The following CDH11 variants were observed in gnomAD, a reference collection of about 807,000 sequenced individuals.
The protein encoded by CDH11 is cadherin 11, also known as cadherin-11.
Under a neutral mutation model 67.8 loss-of-function variants are expected in CDH11, and 11 were observed. That is an observed-to-expected ratio of 0.16 (90% CI 0.10 to 0.27). The LOEUF is 0.27. Among genes scored for constraint, CDH11 ranks in the 10% least tolerant of loss-of-function variants. CDH11 has a pLI of 1.00. For synonymous variants in CDH11, 419 were observed against 400.0 expected, an observed-to-expected ratio of 1.05 and a Z score of -0.57; for missense variants, 847 against 1,031.2, an observed-to-expected ratio of 0.82 and a Z score of 2.45.
intron 2 of CDH11, among the ~76,000 whole-genome samples, chr16:65,027,503 G>A (rs916127006): frequency 6.6e-6 from 1 of 152,208 alleles, no homozygotes; most frequent in Non-Finnish European, 1.5e-5. Flanking sequence ...GTGCTTTCCA[G>A]CATTACTTTG....
Position 64,947,121 on chromosome 16 carries a change from G to A in CDH11, c.*482C>T, listed in dbSNP as rs1193010923. ...TTGTACATTGTATTGTACATACATT[G>A]TATGGGTTTAAGCTGGCTGAATATT... On this transcript the variant is annotated 3_prime_UTR_variant, in exon 13 of 13. Transcript: ENST00000268603. 9.6e-7 allele frequency: 1 copy of A among 1,038,670 alleles called. No homozygotes were observed. The highest frequency in any genetic ancestry group is 5.9e-5 in the East Asian group (1 of 16,898). 64.3% of individuals were successfully genotyped at this position (1,038,670 alleles called of 1,614,324 possible).
At chr16:64,957,600 G>GCACACACACACACACA (rs66508762) in intron 11 of CDH11, among the ~76,000 whole-genome samples, 4 of 145,028 alleles carry the variant, frequency 2.8e-5, no homozygotes, top group African/African-American at 1.0e-4. Context: ...ACATGCCCGT[G>GCACACACACACACACA]CACACACACA....
At chr16:65,096,717 G>A (rs1245233936) in intron 1 of CDH11, among the ~76,000 whole-genome samples, 1 of 151,704 alleles carries the variant, frequency 6.6e-6, no homozygotes, top group Non-Finnish European at 1.5e-5. Context: ...GGGTGTGTGT[G>A]TGTGTATCCT....
chr16:64,999,779 C>CTT (rs2072872657), intron 3 of CDH11, among the ~76,000 whole-genome samples: 1 of 152,196 alleles, frequency 6.6e-6, no homozygotes, highest in Non-Finnish European at 1.5e-5. Flanking sequence ...AAGTGATCTG[C>CTT]CTGCCTTGGC....
Position 65,057,236 on chromosome 16 carries a change from T to A in CDH11, c.-297-3308A>T, listed in dbSNP as rs1483258795. ...ATGACTCCCCCAAGACTTGGAATCATGTGTTCCCCTCTCAGCCAGGAAACC... is the reference window on the plus strand; with the variant it reads ...ATGACTCCCCCAAGACTTGGAATCAAGTGTTCCCCTCTCAGCCAGGAAACC... On this transcript the variant is annotated intron_variant, in intron 1 of 12. Transcript: ENST00000268603. Among the ~76,000 whole-genome samples, 7 of 152,152 alleles carry A rather than the reference T, an allele frequency of 4.6e-5. No homozygotes were observed. The East Asian group carries it at 1.4e-3, about 29-fold the overall frequency.
chr16:65,066,538 G>C (rs2074316116), intron 1 of CDH11, among the ~76,000 whole-genome samples: 1 of 152,140 alleles, frequency 6.6e-6, no homozygotes, highest in African/African-American at 2.4e-5. Flanking sequence ...CTTACACAAA[G>C]AAAATTTTAA....
intron 11 of CDH11, among the ~76,000 whole-genome samples, chr16:64,953,498 G>A (rs1388721956): frequency 6.6e-6 from 1 of 151,726 alleles, no homozygotes; most frequent in East Asian, 1.9e-4. Flanking sequence ...TTGTATGATT[G>A]GCATACATTT....
chr16:65,007,789 T>C (rs2073092515), intron 2 of CDH11, among the ~76,000 whole-genome samples: 1 of 152,214 alleles, frequency 6.6e-6, no homozygotes, highest in South Asian at 2.1e-4. Flanking sequence ...GTCTCCTTAC[T>C]AGACTGGAAA....
chr16:65,026,464 A>G (rs1318774268), intron 2 of CDH11, among the ~76,000 whole-genome samples: 1 of 152,164 alleles, frequency 6.6e-6, no homozygotes, highest in African/African-American at 2.4e-5. Context: ...AATTCTTTCA[A>G]ATTTTGCTTT....
chr16:65,074,958 C>T (rs1229861897), intron 1 of CDH11, among the ~76,000 whole-genome samples: 3 of 152,162 alleles, frequency 2.0e-5, no homozygotes, highest in African/African-American at 7.2e-5. Flanking sequence ...CAGGCACACA[C>T]ATGCGCACAT....
intron 11 of CDH11, among the ~76,000 whole-genome samples, chr16:64,955,320 T>C (rs878919024): frequency 8.5e-5 from 13 of 152,084 alleles, no homozygotes; most frequent in Admixed American, 3.9e-4. Flanking sequence ...CGCATGCCTA[T>C]AATTCCAGTT....
chr16:65,113,881 T>G (rs1415908019), intron 1 of CDH11, among the ~76,000 whole-genome samples: 1 of 152,158 alleles, frequency 6.6e-6, no homozygotes, highest in African/African-American at 2.4e-5. Context: ...GAGGGCATTG[T>G]GAGTAAATCT....
At position 64,998,790 on chromosome 16, in the gene CDH11, T is replaced by C. The variant is rs2072841427; in HGVS notation, c.295A>G (p.Thr99Ala). 1 of 1,614,032 alleles carries C rather than the reference T, an allele frequency of 6.2e-7. No individual in the cohort carries two copies. The highest frequency in any genetic ancestry group is 2.2e-5 in the East Asian group (1 of 44,880). Reference protein sequence around the residue: ...KYILSGEGAGTIFVIDDKSGN... With the variant: ...KYILSGEGAGAIFVIDDKSGN... ...GATTTGTCATCAATCACAAAAATGGTTCCAGCTCCTTCCCCTGAGAGAATG... is the reference window on the plus strand; with the variant it reads ...GATTTGTCATCAATCACAAAAATGGCTCCAGCTCCTTCCCCTGAGAGAATG... The change falls in exon 4 of 13, where the codon ACC becomes GCC. Residue 99 changes from threonine to alanine, a missense_variant. Thr to Ala is a moderately conservative substitution (Grantham distance 58, BLOSUM62 0). Transcript: ENST00000268603.
At position 64,945,089 on chromosome 16, in the gene CDH11, GAAA is replaced by G. The variant is rs2071171207; in HGVS notation, c.*2511_*2513del. ...CTAGAAACAATAACCATTACTTGAG[GAAA>G]AGAACAGAAGCATGTTCCTTCTTTT... is the stretch of plus-strand genomic sequence containing the variant. On this transcript the variant is annotated 3_prime_UTR_variant, in exon 13 of 13. Transcript: ENST00000268603. 1 of 204,062 alleles carries G rather than the reference GAAA, an allele frequency of 4.9e-6. No homozygotes were observed. Among genetic ancestry groups the G allele is most frequent in the Non-Finnish European group, 1.0e-5 (1 of 99,644 alleles). The allele number at this position is 204,062 out of a possible 1,614,324, so 12.6% of individuals were successfully genotyped here. A position where few individuals can be genotyped will look rare whatever the true frequency, so the allele number is the denominator to read the frequency against.
chr16:65,119,456 T>C (rs927732142), intron 1 of CDH11, among the ~76,000 whole-genome samples: 14 of 152,164 alleles, frequency 9.2e-5, no homozygotes, highest in Admixed American at 7.8e-4. Flanking sequence ...TTTTACTGTC[T>C]GGTGTTCTGA....
chr16:64,954,717 G>A (rs1458301542), intron 11 of CDH11, among the ~76,000 whole-genome samples: 2 of 152,098 alleles, frequency 1.3e-5, no homozygotes, highest in African/African-American at 2.4e-5. Flanking sequence ...GGACCAATGG[G>A]AGTGCGAGCC....
At chr16:65,084,518 C>T (rs2074664455) in intron 1 of CDH11, among the ~76,000 whole-genome samples, 1 of 151,938 alleles carries the variant, frequency 6.6e-6, no homozygotes, top group African/African-American at 2.4e-5. Context: ...GTTTAAATGG[C>T]AAAATTAAGC....
At chr16:64,948,583 T>C in intron 12 of CDH11, 5 of 1,567,826 alleles carry the variant, frequency 3.2e-6, no homozygotes, top group South Asian at 1.1e-5. Context: ...GTATTGGTCC[T>C]ATACTAACTT....
At chr16:65,103,390 ATTG>A (rs2075023373) in intron 1 of CDH11, among the ~76,000 whole-genome samples, 1 of 152,172 alleles carries the variant, frequency 6.6e-6, no homozygotes. Context: ...TTTTTTCATC[ATTG>A]TTGTAATAAT....
Sources: allele counts gnomAD v4.1 joint callset (sites outside exome capture counted in the v4.1 genomes callset), GRCh38; gene constraint gnomAD v4.1.1; transcripts MANE v1.5; gene names NCBI Gene and HGNC (gene_info 2026-07-23, HGNC 2026-07-21).